Variants in LAMA5 observed in about 807,000 individuals in gnomAD.
LAMA5 encodes the protein laminin subunit alpha 5, also known as laminin subunit alpha-5.
In LAMA5, 260 loss-of-function variants were observed where a neutral mutation model predicts 433.4. The observed-to-expected ratio is 0.60, with a 90% CI of 0.54 to 0.66. The LOEUF (loss-of-function observed/expected upper bound fraction) is 0.66. Among genes scored for constraint, LAMA5 ranks in the 30% least tolerant of loss-of-function variants. LAMA5 has a pLI of 0.00. For missense variants in LAMA5, 5,378 were observed against 5,258.5 expected (o/e 1.02, Z -0.70); for synonymous variants, 2,620 against 2,226.6 (o/e 1.18, Z -4.97).
Position 62,322,718 on chromosome 20 carries a change from G to T in LAMA5, c.6105C>A (p.Pro2035=). ...CTPCGTEACD[P]HSGHCLCKAG... is the part of the protein sequence containing the mutation. ...CCTTGCACAGGCAGTGCCCGCTGTG[G>T]GGGTCGCAGGCCTCTGTCCCACATG... The change falls in exon 46 of 80, where the codon CCC becomes CCA. Residue 2035 remains proline (P), a synonymous_variant. Transcript: ENST00000252999. 1 of 1,538,636 alleles carries T rather than the reference G, an allele frequency of 6.5e-7. No individual in the cohort carries two copies. Among genetic ancestry groups the T allele is most frequent in the Non-Finnish European group, 8.7e-7 (1 of 1,143,810 alleles).
At position 62,313,233 on chromosome 20, in the gene LAMA5, T is replaced by G. The variant is rs1225323471; in HGVS notation, c.8810A>C (p.Asp2937Ala). 3 of 1,269,522 alleles carry G rather than the reference T, an allele frequency of 2.4e-6. No homozygotes were observed. The African/African-American group carries it at 5.5e-5, about 23-fold the overall frequency. 78.6% of individuals were successfully genotyped at this position (1,269,522 alleles called of 1,614,324 possible). A position where few individuals can be genotyped will look rare whatever the true frequency, so the allele number is the denominator to read the frequency against. The change falls in exon 65 of 80, where the codon GAC becomes GCC. Residue 2937 changes from aspartate (D) to alanine (A), a missense_variant. Transcript: ENST00000252999. ...GTAGGAGCCGTCCGTGAGCCACGGGTCCCCGGTCGACTTGGAGCTGCAGGT... is the reference window on the plus strand; with the variant it reads ...GTAGGAGCCGTCCGTGAGCCACGGGGCCCCGGTCGACTTGGAGCTGCAGGT... ...RPCARSKSTG[D>A]PWLTDGSYLD...
intron 51 of LAMA5, among the ~76,000 whole-genome samples, chr20:62,319,264 CCT>C (rs1423849784): frequency 6.6e-6 from 1 of 152,170 alleles, no homozygotes; most frequent in East Asian, 1.9e-4. Context: ...GCCTTCTCGT[CCT>C]GCCCCTCTCC....
At chr20:62,362,640 C>T in intron 1 of LAMA5, 88 bp from the exon 2 acceptor site, 1 of 1,217,058 alleles carries the variant, frequency 8.2e-7, no homozygotes, top group Non-Finnish European at 1.1e-6. Flanking sequence ...CGAGACAAGT[C>T]CTGGTCCCAC....
rs1181007841 is a variant in LAMA5, at chr20:62,313,199, G to A, written c.8844C>T (p.Gly2948=). The change falls in exon 65 of 80, where the codon GGC becomes GGT. Residue 2948 remains glycine, a synonymous_variant. Coordinates refer to ENST00000252999, the MANE Select transcript of LAMA5 (RefSeq NM_005560.6). ...CGAAGCTGATGCGGGCGAAGCCGGT[G>A]CCGTCCAGGTAGGAGCCGTCCGTGA... ...PWLTDGSYLD[G]TGFARISFDS... is the part of the protein sequence containing the mutation. 10 of 1,563,078 alleles carry A rather than the reference G, an allele frequency of 6.4e-6. No individual in the cohort carries two copies. In the African/African-American group the frequency reaches 1.1e-4, roughly 17 times the overall value.
chr20:62,366,919 G>T, intron 1 of LAMA5, 30 bp downstream of exon 1: 1 of 1,247,382 alleles, frequency 8.0e-7, no homozygotes, highest in South Asian at 3.9e-5. Context: ...TGCCCCGGGA[G>T]GAAGCCCCAC....
In LAMA5 at chr20:62,310,299, G is replaced by C. The variant is rs1166289544; in HGVS notation, c.10613C>G (p.Ala3538Gly). The change falls in exon 77 of 80, where the codon GCT (alanine) becomes GGT (glycine). Residue 3538 changes from alanine (A) to glycine (G), a missense_variant. Coordinates refer to ENST00000252999, the MANE Select transcript of LAMA5 (RefSeq NM_005560.6). ...TTCCAGGCCCACATCAGGCAGTGTA[G>C]CTCCTGGGAGGTCTGCGGGGAGGGG... The part of the protein sequence containing the change: ...GGVITLDLPG[A>G]TLPDVGLELE... 1 of 1,606,252 alleles carries C rather than the reference G, an allele frequency of 6.2e-7. No homozygotes were observed. Among genetic ancestry groups the C allele is most frequent in the African/African-American group, 1.3e-5 (1 of 74,828 alleles).
intron 2 of LAMA5, 117 bp downstream of exon 2, chr20:62,362,283 C>A: frequency 9.3e-7 from 1 of 1,071,516 alleles, no homozygotes; most frequent in Non-Finnish European, 1.2e-6. Flanking sequence ...TCCAGCCTCC[C>A]AGGCCCCAGG....
rs371587075 is a variant in LAMA5, at chr20:62,316,731, G to A, written c.7696C>T (p.Leu2566=). 1.2e-6 allele frequency: 2 copies of A among 1,609,272 alleles called. No individual in the cohort carries two copies. Among genetic ancestry groups the A allele is most frequent in the Non-Finnish European group, 1.7e-6 (2 of 1,178,116 alleles). ...QGLVDRAQQL[L]ANSTALEEAM... is the part of the protein sequence containing the mutation. ...TCTTCTAGTGCAGTGCTGTTGGCCAGGAGCTGCTGGGCTCGGTCCACCAGG... is the reference window on the plus strand; with the variant it reads ...TCTTCTAGTGCAGTGCTGTTGGCCAAGAGCTGCTGGGCTCGGTCCACCAGG... Residue 2566 remains leucine, a synonymous_variant, in exon 57 of 80, where the codon CTG becomes TTG. Transcript: ENST00000252999.
At chr20:62,365,693 C>A (rs1986643815) in intron 1 of LAMA5, among the ~76,000 whole-genome samples, 1 of 152,160 alleles carries the variant, frequency 6.6e-6, no homozygotes, top group Non-Finnish European at 1.5e-5. Context: ...CCAGGAGGCA[C>A]CCAGGTTCCC....
At position 62,367,228 on chromosome 20, in the gene LAMA5, G is replaced by GT; in HGVS notation, c.17_18insA (p.Cys6Ter). 3 of 1,193,614 alleles carry GT rather than the reference G, an allele frequency of 2.5e-6. No homozygotes were observed. Among genetic ancestry groups the GT allele is most frequent in the Non-Finnish European group, 3.1e-6 (3 of 965,166 alleles). The allele number at this position is 1,193,614 out of a possible 1,614,324, so 73.9% of individuals were successfully genotyped here. A position where few individuals can be genotyped will look rare whatever the true frequency, so the allele number is the denominator to read the frequency against. MAKRL[C>*]AGSALCVRGP... ...CGCGAACACACAGTGCGCTCCCCGC[G>GT]CAGAGCCGCTTCGCCATCTTCCCGG... Residue 6 changes from cysteine to a stop codon, truncating the protein, a stop_gained and frameshift_variant, in exon 1 of 80, where the codon TGC becomes TGAC. Coordinates refer to ENST00000252999, the MANE Select transcript of LAMA5 (RefSeq NM_005560.6). LOFTEE classifies it high-confidence loss of function.
At chr20:62,353,387 G>A in intron 2 of LAMA5, 136 bp from the exon 3 acceptor site, 1 of 635,250 alleles carries the variant, frequency 1.6e-6, no homozygotes, top group Non-Finnish European at 2.7e-6. Context: ...GGGCACCTCT[G>A]GGTTTGCCTG....
intron 58 of LAMA5, 71 bp downstream of exon 58, chr20:62,315,877 T>G (rs1986881092): frequency 8.4e-7 from 1 of 1,185,550 alleles, no homozygotes; most frequent in South Asian, 1.3e-5. Flanking sequence ...ACCAACCACA[T>G]GTGGCCAGCG....
intron 51 of LAMA5, 60 bp downstream of exon 51, chr20:62,319,624 C>G: frequency 7.8e-7 from 1 of 1,285,652 alleles, no homozygotes. Flanking sequence ...GGCACCCCCA[C>G]CCCTACCCCA....
rs531170689 is a variant in LAMA5 at position 62,334,099 on chromosome 20, C to T, written c.2740-60G>A. ...GACCACTGCCAGCCTGAGGCCTGGG[C>T]CTTCAAGGGGCCTGCCCACCCCTCC... On this transcript the variant is annotated intron_variant, in intron 22 of 79. Coordinates refer to ENST00000252999, the MANE Select transcript of LAMA5 (RefSeq NM_005560.6). 120 of 1,588,762 alleles carry T rather than the reference C, an allele frequency of 7.6e-5. No individual in the cohort carries two copies. In the African/African-American group the frequency reaches 1.5e-3, roughly 20 times the overall value.
At position 62,316,237 on chromosome 20, in the gene LAMA5, C is replaced by G. The variant is rs930419396; in HGVS notation, c.7757-179G>C. On this transcript the variant is annotated intron_variant, in intron 57 of 79. Coordinates refer to ENST00000252999, the MANE Select transcript of LAMA5 (RefSeq NM_005560.6). ...GAGGTGTTGAGTCTCAGCGTAGCCT[C>G]TGTTCCCTGAAGGCCTCTGGTCCCA... 5.0e-6 allele frequency: 3 copies of G among 599,946 alleles called. No individual in the cohort carries two copies. In the African/African-American group the frequency reaches 5.8e-5, roughly 12 times the overall value. 37.2% of individuals were successfully genotyped at this position (599,946 alleles called of 1,614,324 possible).
Position 62,309,709 on chromosome 20 carries a change from C to T in LAMA5, c.10948+7G>A. 2.5e-6 allele frequency: 4 copies of T among 1,581,458 alleles called. No individual in the cohort carries two copies. Among genetic ancestry groups the T allele is most frequent in the Non-Finnish European group, 3.4e-6 (4 of 1,166,780 alleles). Reference sequence around the variant, plus strand: ...GCTCCCCCACCCTTGATCAAGGCCGCACTCACCAGGCAGGCCCCCGAGGTA... The same window carrying T: ...GCTCCCCCACCCTTGATCAAGGCCGTACTCACCAGGCAGGCCCCCGAGGTA... On this transcript the variant is annotated splice_region_variant and intron_variant, in intron 79 of 79. Coordinates refer to ENST00000252999, the MANE Select transcript of LAMA5 (RefSeq NM_005560.6).
intron 11 of LAMA5, among the ~76,000 whole-genome samples, chr20:62,339,231 CTTTTTTTTTTTTT>C (rs151158845): frequency 2.3e-4 from 13 of 55,962 alleles, no homozygotes; most frequent in East Asian, 6.8e-4. Context: ...ATTATAGTTT[CTTTTTTTTTTTTT>C]TTTTTTTTTT....
At position 62,325,000 on chromosome 20, in the gene LAMA5, C is replaced by A; in HGVS notation, c.5529+316G>T. 2.4e-6 allele frequency: 1 copy of A among 422,686 alleles called. No individual in the cohort carries two copies. Among genetic ancestry groups the A allele is most frequent in the East Asian group, 4.2e-5 (1 of 23,894 alleles). 26.2% of individuals were successfully genotyped at this position (422,686 alleles called of 1,614,324 possible). On this transcript the variant is annotated intron_variant, in intron 41 of 79. Transcript: ENST00000252999. The surrounding 1 kb of genome is among the most constrained non-coding windows in gnomAD (Gnocchi z 4.4). Reference sequence around the variant, plus strand: ...GGATGGGCAGAATGACAGGCAGACGCCAGGATGGTCGGTGGGGGATGTCCA... The same window carrying A: ...GGATGGGCAGAATGACAGGCAGACGACAGGATGGTCGGTGGGGGATGTCCA...
intron 51 of LAMA5, among the ~76,000 whole-genome samples, chr20:62,319,276 C>G (rs1024371160): frequency 6.6e-6 from 1 of 152,160 alleles, no homozygotes; most frequent in Admixed American, 6.5e-5. Context: ...TGCCCCTCTC[C>G]GCCTGGCCCA....
Sources: gnomAD v4.1 joint callset for allele counts (sites outside exome capture counted in the v4.1 genomes callset) on GRCh38, gnomAD v4.1.1 for gene constraint, Gnocchi (gnomAD v3.1) non-coding constraint, MANE v1.5 for transcripts, NCBI Gene and HGNC (gene_info 2026-07-23, HGNC 2026-07-21) for gene names.